KLHL14: variants seen among roughly 807,000 people sequenced by gnomAD.
KLHL14 encodes kelch like family member 14.
A neutral mutation model predicts 64.3 loss-of-function variants in KLHL14; 22 were observed. That is an observed-to-expected ratio of 0.34 (90% CI 0.24 to 0.49). The LOEUF is 0.49. KLHL14 is among the 20% of genes least tolerant of loss of function. The pLI is 0.99. For synonymous variants in KLHL14, 322 were observed against 333.4 expected, an observed-to-expected ratio of 0.97 and a Z score of 0.37; for missense variants, 661 against 789.0, an observed-to-expected ratio of 0.84 and a Z score of 1.94.
At chr18:32,696,144 G>C (rs1400076082) in intron 3 of KLHL14, among the ~76,000 whole-genome samples, 2 of 152,136 alleles carry the variant, frequency 1.3e-5, no homozygotes, top group African/African-American at 4.8e-5. Flanking sequence ...AATGTCATTA[G>C]CAGCACAATC....
At chr18:32,741,579 C>T (rs551875842) in intron 3 of KLHL14, among the ~76,000 whole-genome samples, 8 of 152,282 alleles carry the variant, frequency 5.3e-5, no homozygotes, top group South Asian at 2.1e-4. Flanking sequence ...AATTTACTAG[C>T]GAACGCCATA....
At chr18:32,757,331 G>T (rs1312797072) in intron 2 of KLHL14, among the ~76,000 whole-genome samples, 1 of 152,216 alleles carries the variant, frequency 6.6e-6, no homozygotes, top group Non-Finnish European at 1.5e-5. Flanking sequence ...GCAAAGGAAA[G>T]ATGAAACTGG....
At chr18:32,760,967 T>TATC (rs1029569609) in intron 2 of KLHL14, among the ~76,000 whole-genome samples, 4 of 152,260 alleles carry the variant, frequency 2.6e-5, no homozygotes, top group Non-Finnish European at 4.4e-5. Flanking sequence ...ATTTCTGTGC[T>TATC]ATCAGTGATA....
intron 3 of KLHL14, among the ~76,000 whole-genome samples, chr18:32,714,444 A>T (rs1378767400): frequency 1.3e-5 from 2 of 152,232 alleles, no homozygotes; most frequent in Non-Finnish European, 2.9e-5. Flanking sequence ...TTCTGGTACT[A>T]AGAAGGCAAG....
At chr18:32,684,688 G>C (rs1225210103) in intron 5 of KLHL14, among the ~76,000 whole-genome samples, 1 of 152,060 alleles carries the variant, frequency 6.6e-6, no homozygotes. Flanking sequence ...TAGTGGAAGA[G>C]GGTAGGCGGG....
intron 3 of KLHL14, among the ~76,000 whole-genome samples, chr18:32,703,234 A>C (rs1448841314): frequency 2.0e-5 from 3 of 152,246 alleles, no homozygotes; most frequent in Non-Finnish European, 2.9e-5. Flanking sequence ...TATAGCATTT[A>C]GGCATAACAT....
At chr18:32,765,931 C>T (rs1489472257) in intron 2 of KLHL14, among the ~76,000 whole-genome samples, 1 of 152,010 alleles carries the variant, frequency 6.6e-6, no homozygotes, top group Non-Finnish European at 1.5e-5. Flanking sequence ...TTTAAAACTA[C>T]ACTTCGATAT....
intron 5 of KLHL14, among the ~76,000 whole-genome samples, chr18:32,685,903 A>C (rs1282121389): frequency 6.6e-6 from 1 of 152,206 alleles, no homozygotes; most frequent in Non-Finnish European, 1.5e-5. Flanking sequence ...GATCCAATTT[A>C]ATCTCAGGGT....
chr18:32,719,833 G>A (rs1353311462), intron 3 of KLHL14, among the ~76,000 whole-genome samples: 1 of 152,220 alleles, frequency 6.6e-6, no homozygotes, highest in East Asian at 1.9e-4. Flanking sequence ...GGTGGCTCAG[G>A]AGTTACCCGG....
At chr18:32,754,824 G>A (rs1345961032) in intron 2 of KLHL14, among the ~76,000 whole-genome samples, 1 of 152,210 alleles carries the variant, frequency 6.6e-6, no homozygotes, top group Non-Finnish European at 1.5e-5. Context: ...ACAAATAAGT[G>A]TCCATTTTCA....
At chr18:32,732,133 A>G (rs2050140151) in intron 3 of KLHL14, among the ~76,000 whole-genome samples, 1 of 152,204 alleles carries the variant, frequency 6.6e-6, no homozygotes, top group South Asian at 2.1e-4. Context: ...CTGAGGCAGG[A>G]GAACTGCTTG....
At chr18:32,764,658 T>G (rs1409239077) in intron 2 of KLHL14, among the ~76,000 whole-genome samples, 3 of 152,142 alleles carry the variant, frequency 2.0e-5, no homozygotes, top group African/African-American at 7.2e-5. Flanking sequence ...AGAATAATAT[T>G]TCATGATGTG....
rs1291840470 is a variant in KLHL14, at chr18:32,674,072, A to C, written c.*585T>G. 6.6e-6 allele frequency: 1 copy of C among 152,248 alleles called. No individual in the cohort carries two copies. The allele number at this position is 152,248 out of a possible 1,614,324, so 9.4% of individuals were successfully genotyped here. ...CTTTTCTGATCCCATGAGGTGCTGT[A>C]AGGGCAGAAGGTGTATGAAATGAAG... On this transcript the variant is annotated 3_prime_UTR_variant, in exon 9 of 9. Coordinates refer to ENST00000359358, the MANE Select transcript of KLHL14 (RefSeq NM_020805.3).
intron 2 of KLHL14, among the ~76,000 whole-genome samples, chr18:32,751,995 C>T (rs1443349822): frequency 2.0e-5 from 3 of 152,106 alleles, no homozygotes; most frequent in Non-Finnish European, 4.4e-5. Context: ...GGGGTTGTGG[C>T]GTGTGCCTGT....
At chr18:32,750,398 CT>C (rs2050245423) in intron 2 of KLHL14, among the ~76,000 whole-genome samples, 1 of 152,082 alleles carries the variant, frequency 6.6e-6, no homozygotes, top group South Asian at 2.1e-4. Context: ...TAATTATTAA[CT>C]TTACAAAGTA....
In KLHL14 at chr18:32,770,147, G is replaced by A; in HGVS notation, c.445C>T (p.Leu149=). 1 of 1,614,196 alleles carries A rather than the reference G, an allele frequency of 6.2e-7. No homozygotes were observed. The highest frequency in any genetic ancestry group is 8.5e-7 in the Non-Finnish European group (1 of 1,180,046). The change falls in exon 2 of 9, where the codon CTG becomes TTG. Residue 149 remains leucine (L), a synonymous_variant. Coordinates refer to ENST00000359358, the MANE Select transcript of KLHL14 (RefSeq NM_020805.3). The surrounding 1 kb of genome is among the most constrained non-coding windows in gnomAD (Gnocchi z 6.7). Reference sequence around the variant, plus strand: ...ACCTCCTCCACCGTGTCCAGGGACAGGGTCACGTTGGCCGTGTAGAGGTAC... The same window carrying A: ...ACCTCCTCCACCGTGTCCAGGGACAAGGTCACGTTGGCCGTGTAGAGGTAC... ...LEYLYTANVT[L]SLDTVEEVLS... is the part of the protein sequence containing the mutation.
chr18:32,688,568 T>G (rs1368050769), intron 4 of KLHL14, among the ~76,000 whole-genome samples: 3 of 152,224 alleles, frequency 2.0e-5, no homozygotes, highest in Non-Finnish European at 4.4e-5. Context: ...TGCAAATATC[T>G]GCAGAATGAG....
In KLHL14 at chr18:32,683,601, T is replaced by C. The variant is rs1265424793; in HGVS notation, c.1239-3002A>G. ...TTTCTTATTGGGATTACACTGTTTC[T>C]GTTTCAAATTGTTCATCTCTCCCTC... On this transcript the variant is annotated intron_variant, in intron 5 of 8. Transcript: ENST00000359358. The surrounding 1 kb of genome is among the most constrained non-coding windows in gnomAD (Gnocchi z 4.2). Among the ~76,000 whole-genome samples the C allele has an allele frequency of 1.3e-5, 2 of 152,200 alleles. No homozygotes were observed. Among genetic ancestry groups the C allele is most frequent in the South Asian group, 4.1e-4 (2 of 4,834 alleles).
chr18:32,678,223 T>A (rs1371468415), intron 7 of KLHL14, among the ~76,000 whole-genome samples: 2 of 152,178 alleles, frequency 1.3e-5, no homozygotes, highest in African/African-American at 4.8e-5. Flanking sequence ...GGGAGCTTCG[T>A]GCTCACCAAG....
Sources: allele counts gnomAD v4.1 joint callset (sites outside exome capture counted in the v4.1 genomes callset), GRCh38; gene constraint gnomAD v4.1.1; non-coding constraint Gnocchi (gnomAD v3.1); transcripts MANE v1.5; gene names NCBI Gene and HGNC (gene_info 2026-07-23, HGNC 2026-07-21).